Variants in REEP3 observed in about 807,000 individuals in gnomAD.
REEP3 encodes the protein receptor expression-enhancing protein 3.
REEP3 carries 20 observed loss-of-function variants against 41.3 expected under a neutral mutation model. That is an observed-to-expected ratio of 0.48 (90% confidence interval 0.34 to 0.70). The LOEUF (loss-of-function observed/expected upper bound fraction) is 0.70. Ranked by LOEUF, REEP3 falls within the 30% of genes least tolerant of loss-of-function variation. REEP3 has a pLI of 0.01. For synonymous variants in REEP3, 104 were observed against 101.8 expected, an observed-to-expected ratio of 1.02 and a Z score of -0.13; for missense variants, 271 against 308.8, an observed-to-expected ratio of 0.88 and a Z score of 0.92.
rs1475634883 is a variant in REEP3, at chr10:63,619,796, A to G, written c.707A>G (p.Lys236Arg). 6.2e-7 allele frequency: 1 copy of G among 1,607,542 alleles called. No individual in the cohort carries two copies. The highest frequency in any genetic ancestry group is 8.5e-7 in the Non-Finnish European group (1 of 1,176,864). The change falls in exon 7 of 8, where the codon AAA (lysine) becomes AGA (arginine). Residue 236 changes from lysine (K) to arginine (R), a missense_variant. Physicochemically the swap from Lys to Arg is conservative, Grantham distance 26. Coordinates refer to ENST00000373758, the MANE Select transcript of REEP3 (RefSeq NM_001001330.3). ...TCTGTGAAAACCACCAAAGGCCGCA[A>G]AGAGGTTGGTTAAGTGTAGAGCTGT... ...MKSVKTTKGR[K>R]EVRYGSLKYK...
At chr10:63,585,157 TAAAATGTA>T (rs911194371) in intron 2 of REEP3, among the ~76,000 whole-genome samples, 3 of 152,140 alleles carry the variant, frequency 2.0e-5, no homozygotes, top group Non-Finnish European at 4.4e-5. Flanking sequence ...ATTCAGACCT[TAAAATGTA>T]AGAGTGGAAG....
intron 2 of REEP3, among the ~76,000 whole-genome samples, chr10:63,571,702 A>T (rs1232569654): frequency 6.6e-6 from 1 of 152,194 alleles, no homozygotes; most frequent in African/African-American, 2.4e-5. Context: ...AGACACAGAC[A>T]TCTTTAGGGG....
chr10:63,522,259 C>T (rs1282951761), intron 1 of REEP3, among the ~76,000 whole-genome samples: 3 of 151,536 alleles, frequency 2.0e-5, no homozygotes, highest in South Asian at 2.1e-4. Flanking sequence ...CGAATTCGGC[C>T]CTGTCTCGGC....
chr10:63,575,996 G>T (rs765436374), intron 2 of REEP3, among the ~76,000 whole-genome samples: 1 of 152,210 alleles, frequency 6.6e-6, no homozygotes, highest in Non-Finnish European at 1.5e-5. Context: ...GCCTCCCAAA[G>T]TGCTGGGATT....
Position 63,624,886 on chromosome 10 carries a change from G to A in REEP3, c.*4017G>A, listed in dbSNP as rs2133443808. ...CACAAAATTCAGATTTATGTATCCTGGAAATGTTCTGGGGTTCCATCTGTT... is the reference window on the plus strand; with the variant it reads ...CACAAAATTCAGATTTATGTATCCTAGAAATGTTCTGGGGTTCCATCTGTT... On this transcript the variant is annotated 3_prime_UTR_variant, in exon 8 of 8. Transcript: ENST00000373758. 6.6e-6 allele frequency: 1 copy of A among 152,170 alleles called. No individual in the cohort carries two copies. Among genetic ancestry groups the A allele is most frequent in the East Asian group, 1.9e-4 (1 of 5,186 alleles). The allele number at this position is 152,170 out of a possible 1,614,324, so 9.4% of individuals were successfully genotyped here. A position where few individuals can be genotyped will look rare whatever the true frequency, so the allele number is the denominator to read the frequency against.
intron 3 of REEP3, 94 bp downstream of exon 3, chr10:63,594,948 C>A: frequency 1.2e-6 from 1 of 808,188 alleles, no homozygotes; most frequent in South Asian, 1.4e-5. Flanking sequence ...GAGTGATTTT[C>A]ATCAGGTTAC....
intron 1 of REEP3, among the ~76,000 whole-genome samples, chr10:63,554,447 G>A (rs1383660203): frequency 1.3e-5 from 2 of 152,064 alleles, no homozygotes; most frequent in East Asian, 3.9e-4. Flanking sequence ...TGACATCATC[G>A]AACTGTTAAT....
chr10:63,572,474 C>A (rs1272025526), intron 2 of REEP3, among the ~76,000 whole-genome samples: 2 of 152,122 alleles, frequency 1.3e-5, no homozygotes, highest in Non-Finnish European at 2.9e-5. Flanking sequence ...CTCTCCTTGC[C>A]CCTGACCCTC....
At chr10:63,535,375 G>C (rs1955465097) in intron 1 of REEP3, among the ~76,000 whole-genome samples, 1 of 152,114 alleles carries the variant, frequency 6.6e-6, no homozygotes, top group South Asian at 2.1e-4. Context: ...TAAATGTATA[G>C]TTTATGTTAA....
At chr10:63,606,913 C>T (rs529330664) in intron 5 of REEP3, among the ~76,000 whole-genome samples, 1 of 152,302 alleles carries the variant, frequency 6.6e-6, no homozygotes, top group South Asian at 2.1e-4. Flanking sequence ...TACTTATAGC[C>T]ATACTGCATA....
chr10:63,579,616 A>T (rs1297409682), intron 2 of REEP3, among the ~76,000 whole-genome samples: 1 of 152,264 alleles, frequency 6.6e-6, no homozygotes, highest in Non-Finnish European at 1.5e-5. Flanking sequence ...TTTGGAAAAC[A>T]TACACATAGA....
chr10:63,557,557 AAAG>A (rs1955700845), intron 1 of REEP3, among the ~76,000 whole-genome samples: 1 of 152,172 alleles, frequency 6.6e-6, no homozygotes, highest in South Asian at 2.1e-4. Flanking sequence ...TATCAACAAC[AAAG>A]AAGAAGCTCT....
intron 5 of REEP3, among the ~76,000 whole-genome samples, chr10:63,603,428 T>G (rs1431922020): frequency 6.6e-6 from 1 of 152,128 alleles, no homozygotes; most frequent in Non-Finnish European, 1.5e-5. Context: ...TGTGTCTATT[T>G]CATATATCTA....
At chr10:63,607,351 G>A (rs1046338928) in intron 5 of REEP3, among the ~76,000 whole-genome samples, 3 of 152,150 alleles carry the variant, frequency 2.0e-5, no homozygotes, top group Admixed American at 1.3e-4. Context: ...TAATACTTGG[G>A]TATTGATAAT....
At chr10:63,524,835 A>G (rs1445282533) in intron 1 of REEP3, among the ~76,000 whole-genome samples, 1 of 152,122 alleles carries the variant, frequency 6.6e-6, no homozygotes, top group African/African-American at 2.4e-5. Flanking sequence ...ATTATAATAA[A>G]TACCACATGA....
chr10:63,538,745 TAAATA>T (rs1202270036), intron 1 of REEP3, among the ~76,000 whole-genome samples: 1 of 151,966 alleles, frequency 6.6e-6, no homozygotes, highest in Non-Finnish European at 1.5e-5. Context: ...AAAAAATAAA[TAAATA>T]AATAAAGATG....
At chr10:63,544,432 GA>G (rs1222992717) in intron 1 of REEP3, among the ~76,000 whole-genome samples, 1 of 152,208 alleles carries the variant, frequency 6.6e-6, no homozygotes, top group African/African-American at 2.4e-5. Context: ...TGGGACATGG[GA>G]ACAGATATGA....
chr10:63,542,241 G>T (rs1955535469), intron 1 of REEP3, among the ~76,000 whole-genome samples: 2 of 152,078 alleles, frequency 1.3e-5, no homozygotes, highest in South Asian at 4.1e-4. Context: ...ACCATGCCTG[G>T]CTAATTTTTG....
chr10:63,527,394 G>A (rs766506464), intron 1 of REEP3, among the ~76,000 whole-genome samples: 2 of 152,048 alleles, frequency 1.3e-5, no homozygotes, highest in East Asian at 1.9e-4. Context: ...AGTCCAAGCC[G>A]GGCACAGTGG....
Sources: allele counts gnomAD v4.1 joint callset (sites outside exome capture counted in the v4.1 genomes callset), GRCh38; gene constraint gnomAD v4.1.1; transcripts MANE v1.5; gene names NCBI Gene and HGNC (gene_info 2026-07-23, HGNC 2026-07-21).